The following TSPAN18 variants were observed in gnomAD, a reference collection of about 807,000 sequenced individuals.
The protein encoded by TSPAN18 is tetraspanin 18, also known as tetraspanin-18.
Under a neutral mutation model 27.3 loss-of-function variants are expected in TSPAN18, and 14 were observed. The observed-to-expected ratio is 0.51, with a 90% confidence interval of 0.34 to 0.80. The LOEUF is 0.80. TSPAN18 is among the 30% of genes least tolerant of loss of function. The pLI, the probability that TSPAN18 is intolerant of heterozygous loss-of-function variation, is 0.01. For missense variants in TSPAN18, 268 were observed against 323.9 expected, an observed-to-expected ratio of 0.83 and a Z score of 1.32; for synonymous variants, 143 against 136.5, an observed-to-expected ratio of 1.05 and a Z score of -0.33.
chr11:44,807,073 A>G (rs1856607914), intron 2 of TSPAN18, among the ~76,000 whole-genome samples: 1 of 151,960 alleles, frequency 6.6e-6, no homozygotes, highest in Non-Finnish European at 1.5e-5. Context: ...AAAGGACAGT[A>G]CAAGCCAGGG....
intron 2 of TSPAN18, among the ~76,000 whole-genome samples, chr11:44,836,162 A>G (rs1857259792): frequency 6.6e-6 from 1 of 152,252 alleles, no homozygotes; most frequent in African/African-American, 2.4e-5. Flanking sequence ...TAAGGAAGGC[A>G]TGCTGAAAAA....
At chr11:44,861,977 G>A (rs974751299) in intron 3 of TSPAN18, among the ~76,000 whole-genome samples, 1 of 152,128 alleles carries the variant, frequency 6.6e-6, no homozygotes, top group Non-Finnish European at 1.5e-5. Flanking sequence ...GCTGCCTTGA[G>A]TAGACCTCCA....
At chr11:44,874,895 G>A (rs1234869495) in intron 3 of TSPAN18, among the ~76,000 whole-genome samples, 1 of 152,246 alleles carries the variant, frequency 6.6e-6, no homozygotes, top group Non-Finnish European at 1.5e-5. Context: ...CACTGGAAGA[G>A]GAGGGACGGA....
Position 44,883,596 on chromosome 11 carries a change from T to C in TSPAN18, c.-10-22811T>C, listed in dbSNP as rs1261466413. Among the ~76,000 whole-genome samples, 6 of 152,248 alleles carry C rather than the reference T, an allele frequency of 3.9e-5. 1 individual carries two copies. The highest frequency in any genetic ancestry group is 2.6e-4 in the Admixed American group (4 of 15,282). ...GCCACTCTGGGTCCCTCAGCCACTC[T>C]GCATGATGTGTTCCCAGAGAAGCCC... On this transcript the variant is annotated intron_variant, in intron 3 of 9. Transcript: ENST00000520358.
chr11:44,855,095 A>AT (rs1299966197), intron 2 of TSPAN18, among the ~76,000 whole-genome samples: 2 of 151,960 alleles, frequency 1.3e-5, no homozygotes, highest in African/African-American at 4.8e-5. Flanking sequence ...GTATTTTAAA[A>AT]TTTTATGTTT....
chr11:44,728,024 T>C (rs950221284), intron 1 of TSPAN18, among the ~76,000 whole-genome samples: 13 of 152,160 alleles, frequency 8.5e-5, no homozygotes, highest in African/African-American at 3.1e-4. Flanking sequence ...GGGGGCGCAC[T>C]GCCCCGGCCC....
intron 5 of TSPAN18, among the ~76,000 whole-genome samples, chr11:44,913,198 T>G (rs1307973256): frequency 6.6e-6 from 1 of 152,160 alleles, no homozygotes; most frequent in Non-Finnish European, 1.5e-5. Flanking sequence ...AAAGAGTGAC[T>G]TTAGTCAGCC....
intron 2 of TSPAN18, among the ~76,000 whole-genome samples, chr11:44,807,527 C>CAAAAAA (rs59241339): frequency 1.7e-3 from 107 of 64,276 alleles, no homozygotes; most frequent in African/African-American, 2.4e-3. Context: ...AACTCCATCT[C>CAAAAAA]AAAAAAAAAA....
At chr11:44,898,413 A>G (rs576001257) in intron 3 of TSPAN18, among the ~76,000 whole-genome samples, 3 of 152,352 alleles carry the variant, frequency 2.0e-5, no homozygotes, top group African/African-American at 7.2e-5. Flanking sequence ...GTTACACAAG[A>G]GCTGGATCTA....
intron 5 of TSPAN18, among the ~76,000 whole-genome samples, chr11:44,913,620 A>G (rs1392762954): frequency 1.3e-5 from 2 of 152,274 alleles, no homozygotes; most frequent in Non-Finnish European, 2.9e-5. Flanking sequence ...TGAATTGTAC[A>G]TGCAGTATGT....
intron 1 of TSPAN18, among the ~76,000 whole-genome samples, chr11:44,763,090 C>T (rs1855490448): frequency 6.6e-6 from 1 of 152,206 alleles, no homozygotes; most frequent in South Asian, 2.1e-4. Context: ...TCACAGTCCT[C>T]ATTCCTGAAG....
intron 2 of TSPAN18, among the ~76,000 whole-genome samples, chr11:44,797,010 G>A (rs887210752): frequency 6.6e-6 from 1 of 152,052 alleles, no homozygotes; most frequent in Admixed American, 6.5e-5. Flanking sequence ...CCCAACTTCA[G>A]GTATTACAGG....
At chr11:44,922,233 C>T (rs1428136060) in intron 8 of TSPAN18, among the ~76,000 whole-genome samples, 1 of 151,970 alleles carries the variant, frequency 6.6e-6, no homozygotes, top group East Asian at 1.9e-4. Flanking sequence ...TCTCCCACCT[C>T]AACCTCTCAA....
chr11:44,814,888 A>G lies in TSPAN18; in HGVS notation c.-152-45440A>G, dbSNP rs553831517. Among the ~76,000 whole-genome samples the G allele has an allele frequency of 2.0e-5, 3 of 152,330 alleles. No individual in the cohort carries two copies. The South Asian group carries it at 6.2e-4, about 32-fold the overall frequency. On this transcript the variant is annotated intron_variant, in intron 2 of 9. Coordinates refer to ENST00000520358, the MANE Select transcript of TSPAN18 (RefSeq NM_130783.5). ...TAAAAAGTGATGCAAAGATGATGAAATATGATAAGATGGAAGGGTGACAAT... is the reference window on the plus strand; with the variant it reads ...TAAAAAGTGATGCAAAGATGATGAAGTATGATAAGATGGAAGGGTGACAAT...
At chr11:44,787,376 T>C (rs1253071076) in intron 2 of TSPAN18, among the ~76,000 whole-genome samples, 1 of 152,210 alleles carries the variant, frequency 6.6e-6, no homozygotes, top group Non-Finnish European at 1.5e-5. Context: ...TTCCAGAACC[T>C]GAACTTATCC....
intron 2 of TSPAN18, among the ~76,000 whole-genome samples, chr11:44,815,524 G>C (rs535658243): frequency 2.0e-5 from 3 of 152,170 alleles, no homozygotes; most frequent in African/African-American, 7.2e-5. Flanking sequence ...GTGTGTGAAG[G>C]GGGGTCTGGG....
At chr11:44,926,958 G>A (rs1204526862) in intron 9 of TSPAN18, among the ~76,000 whole-genome samples, 1 of 152,174 alleles carries the variant, frequency 6.6e-6, no homozygotes, top group Non-Finnish European at 1.5e-5. Context: ...TGAAACATGG[G>A]AGCCAGTGTC....
chr11:44,751,247 T>C (rs1855204292), intron 1 of TSPAN18, among the ~76,000 whole-genome samples: 1 of 152,166 alleles, frequency 6.6e-6, no homozygotes. Flanking sequence ...ACACTTTGTG[T>C]TCTGGGAGTG....
At chr11:44,747,947 C>G (rs1855118664) in intron 1 of TSPAN18, among the ~76,000 whole-genome samples, 1 of 152,240 alleles carries the variant, frequency 6.6e-6, no homozygotes, top group African/African-American at 2.4e-5. Context: ...CCCCAGTTCC[C>G]TCCCTCACCT....
Sources: gnomAD v4.1 joint callset for allele counts (sites outside exome capture counted in the v4.1 genomes callset) on GRCh38, gnomAD v4.1.1 for gene constraint, MANE v1.5 for transcripts, NCBI Gene and HGNC (gene_info 2026-07-23, HGNC 2026-07-21) for gene names.